Variants in PCGF3 observed in about 807,000 individuals in gnomAD.
PCGF3 encodes polycomb group ring finger 3.
In PCGF3, 7 loss-of-function variants were observed where a neutral mutation model predicts 33.1. The observed-to-expected ratio is 0.21, with a 90% CI of 0.12 to 0.40. The LOEUF is 0.40. Among genes scored for constraint, PCGF3 ranks in the 10% least tolerant of loss-of-function variants. The probability of loss-of-function intolerance (pLI) is 1.00; values close to 1 mark genes in which losing one functional copy is unlikely to be tolerated. For missense variants in PCGF3, 211 were observed against 313.3 expected (o/e 0.67, Z 2.46); for synonymous variants, 153 against 121.3 (o/e 1.26, Z -1.72).
chr4:733,298 C>T (rs955309290), intron 3 of PCGF3, among the ~76,000 whole-genome samples: 1 of 152,248 alleles, frequency 6.6e-6, no homozygotes, highest in Admixed American at 6.5e-5. Context: ...GGCAGCTCTG[C>T]CTTCGCGGGC....
exon 11 of PCGF3, chr4:769,895 G>C (rs1340763179): frequency 6.6e-6 from 1 of 152,640 alleles, no homozygotes; most frequent in African/African-American, 2.4e-5. Flanking sequence ...ACATGTGTTT[G>C]ACTGTTTAAT....
chr4:762,218 G>A (rs1377632607), intron 9 of PCGF3: 1 of 516,044 alleles, frequency 1.9e-6, no homozygotes, highest in Non-Finnish European at 2.5e-6. Context: ...ATTTTGGGAT[G>A]AAATAATTCT....
intron 8 of PCGF3, among the ~76,000 whole-genome samples, chr4:749,291 A>G (rs951221913): frequency 6.6e-6 from 1 of 151,884 alleles, no homozygotes; most frequent in Non-Finnish European, 1.5e-5. Flanking sequence ...CAGCCTCCCA[A>G]GTAGCTGGGA....
intron 9 of PCGF3, chr4:762,803 A>G (rs538829044): frequency 7.2e-5 from 11 of 152,360 alleles, no homozygotes; most frequent in Non-Finnish European, 1.5e-4. Context: ...GTTTGAAGAC[A>G]CCACCTCGTG....
At chr4:740,807 G>T (rs1744054953) in intron 6 of PCGF3, among the ~76,000 whole-genome samples, 1 of 152,210 alleles carries the variant, frequency 6.6e-6, no homozygotes, top group Admixed American at 6.5e-5. Context: ...TGGCTCAGCT[G>T]TGGTCGCCTT....
At chr4:716,640 G>T (rs1742860213) in intron 1 of PCGF3, among the ~76,000 whole-genome samples, 1 of 140,150 alleles carries the variant, frequency 7.1e-6, no homozygotes, top group Non-Finnish European at 1.5e-5. Context: ...TGTAGACACT[G>T]AGTGTGAGAA....
intron 3 of PCGF3, among the ~76,000 whole-genome samples, chr4:733,264 A>G (rs1743691470): frequency 6.6e-6 from 1 of 152,226 alleles, no homozygotes; most frequent in Non-Finnish European, 1.5e-5. Flanking sequence ...AGGTGCCCAG[A>G]GCCTGCCCAT....
chr4:760,705 G>C (rs1745005765), intron 8 of PCGF3, among the ~76,000 whole-genome samples: 1 of 152,210 alleles, frequency 6.6e-6, no homozygotes, highest in Non-Finnish European at 1.5e-5. Flanking sequence ...CCGGGCCCTT[G>C]GGTGAAGCCT....
chr4:762,675 T>C (rs191606928), intron 9 of PCGF3: 67 of 152,388 alleles, frequency 4.4e-4, no homozygotes, highest in African/African-American at 1.2e-3. Context: ...TTGTTCTTCA[T>C]AAATCACCCA....
At chr4:734,881 G>C in intron 4 of PCGF3, 50 bp from the exon 5 acceptor site, 1 of 1,589,554 alleles carries the variant, frequency 6.3e-7, no homozygotes, top group Non-Finnish European at 8.6e-7. Context: ...CGATGGGGTG[G>C]GCGCCCTGGC....
intron 9 of PCGF3, chr4:761,673 T>TA: frequency 1.0e-6 from 1 of 985,332 alleles, no homozygotes. Flanking sequence ...GAGACTGTTT[T>TA]AAAATAGGAT....
At chr4:767,829 G>C (rs944953709) in exon 11 of PCGF3, 2 of 152,606 alleles carry the variant, frequency 1.3e-5, no homozygotes, top group African/African-American at 4.8e-5. Context: ...GGGTCTATGA[G>C]TAGCTGTGTA....
At chr4:730,701 T>A (rs1464297276) in intron 2 of PCGF3, 33 bp downstream of exon 2, 6 of 255,144 alleles carry the variant, frequency 2.4e-5, no homozygotes, top group Non-Finnish European at 4.5e-5. Context: ...CCCTCTTCTT[T>A]CCGCACCTGT....
chr4:764,233 G>GGGAACTCCCT (rs1745232514), intron 9 of PCGF3, among the ~76,000 whole-genome samples: 1 of 152,186 alleles, frequency 6.6e-6, no homozygotes, highest in Non-Finnish European at 1.5e-5. Context: ...CAAGGGGGAC[G>GGGAACTCCCT]GGAACTCCCT....
intron 8 of PCGF3, among the ~76,000 whole-genome samples, chr4:758,016 A>C (rs1744847812): frequency 6.6e-6 from 1 of 152,014 alleles, no homozygotes; most frequent in Non-Finnish European, 1.5e-5. Context: ...AAATACAAAA[A>C]AATTAGCCGG....
chr4:748,412 C>G (rs1744364830), intron 8 of PCGF3, among the ~76,000 whole-genome samples: 1 of 152,180 alleles, frequency 6.6e-6, no homozygotes, highest in Non-Finnish European at 1.5e-5. Flanking sequence ...GTTGGCCAGG[C>G]TGGTCTCGAA....
intron 6 of PCGF3, among the ~76,000 whole-genome samples, chr4:741,530 C>T (rs1250442647): frequency 6.6e-6 from 1 of 152,224 alleles, no homozygotes; most frequent in Non-Finnish European, 1.5e-5. Flanking sequence ...TCTCAGCCTC[C>T]TGAGTAGCTG....
chr4:757,177 C>T (rs1221020889), intron 8 of PCGF3: 1 of 150,968 alleles, frequency 6.6e-6, no homozygotes, highest in Non-Finnish European at 1.5e-5. Flanking sequence ...CCCCCCACTC[C>T]CACCCCCGCC....
At chr4:755,519 TATC>T (rs1226310545) in intron 8 of PCGF3, among the ~76,000 whole-genome samples, 1 of 152,254 alleles carries the variant, frequency 6.6e-6, no homozygotes, top group Non-Finnish European at 1.5e-5. Flanking sequence ...TTCTTCGACC[TATC>T]ATCATCCACA....
Sources: allele counts gnomAD v4.1 joint callset (sites outside exome capture counted in the v4.1 genomes callset), GRCh38; gene constraint gnomAD v4.1.1; transcripts MANE v1.5; gene names NCBI Gene and HGNC (gene_info 2026-07-23, HGNC 2026-07-21).